The following ARHGEF11 variants were observed in gnomAD, a reference collection of about 807,000 sequenced individuals.
ARHGEF11 encodes Rho guanine nucleotide exchange factor 11.
ARHGEF11 carries 55 observed loss-of-function variants against 193.7 expected under a neutral mutation model. The ratio of observed to expected loss-of-function variants is 0.28; its 90% CI spans 0.23 to 0.36. The LOEUF is 0.36. ARHGEF11 is among the 10% of genes least tolerant of loss of function. The pLI is 1.00. For synonymous variants in ARHGEF11, 693 were observed against 768.0 expected (o/e 0.90, Z 1.62); for missense variants, 1,723 against 2,005.6 (o/e 0.86, Z 2.69).
At chr1:156,951,064 C>G (rs1010927197) in intron 22 of ARHGEF11, among the ~76,000 whole-genome samples, 2 of 152,204 alleles carry the variant, frequency 1.3e-5, no homozygotes, top group Non-Finnish European at 2.9e-5. Context: ...CACTTTGCCT[C>G]TCTTTGCTGA....
intron 1 of ARHGEF11, among the ~76,000 whole-genome samples, chr1:157,002,578 A>G (rs1464991452): frequency 6.6e-6 from 1 of 152,158 alleles, no homozygotes; most frequent in Non-Finnish European, 1.5e-5. Context: ...ATACTATGCT[A>G]TTTGGCACTT....
intron 4 of ARHGEF11, 41 bp downstream of exon 4, chr1:156,980,396 T>G: frequency 6.3e-7 from 1 of 1,588,412 alleles, no homozygotes; most frequent in Non-Finnish European, 8.6e-7. Context: ...GCACATCTAT[T>G]TCCACTGCTG....
At chr1:157,041,157 G>C (rs1358368505) in intron 1 of ARHGEF11, among the ~76,000 whole-genome samples, 15 of 152,162 alleles carry the variant, frequency 9.9e-5, no homozygotes, top group Non-Finnish European at 2.2e-4. Flanking sequence ...TTGCCATGGG[G>C]GAACCAGGCT....
At chr1:157,009,855 C>T (rs540773090) in intron 1 of ARHGEF11, among the ~76,000 whole-genome samples, 1 of 152,236 alleles carries the variant, frequency 6.6e-6, no homozygotes, top group African/African-American at 2.4e-5. Context: ...TCTCCTCACA[C>T]ACTCGATTCA....
At chr1:156,941,317 G>A in intron 35 of ARHGEF11, 55 bp downstream of exon 35, 3 of 1,575,758 alleles carry the variant, frequency 1.9e-6, no homozygotes, top group Non-Finnish European at 1.7e-6. Flanking sequence ...CACCCAACCT[G>A]TGCCTACAGA....
In ARHGEF11 at chr1:156,947,368, G is replaced by A; in HGVS notation, c.2424C>T (p.Asn808=). ...GGGCCAGCTCCTCCCGGGGCATCAGGTTCTCCTTCTTCATTCGCTGGTAGA... is the reference window on the plus strand; with the variant it reads ...GGGCCAGCTCCTCCCGGGGCATCAGATTCTCCTTCTTCATTCGCTGGTAGA... The part of the protein sequence containing the change: ...LIFYQRMKKE[N]LMPREELARL... The change falls in exon 26 of 41, where the codon AAC becomes AAT. Residue 808 remains asparagine, a synonymous_variant. Transcript: ENST00000368194. The A allele has an allele frequency of 6.2e-7, 1 of 1,614,078 alleles. No individual in the cohort carries two copies. The highest frequency in any genetic ancestry group is 8.5e-7 in the Non-Finnish European group (1 of 1,180,004).
intron 1 of ARHGEF11, among the ~76,000 whole-genome samples, chr1:157,015,690 G>C (rs1304694775): frequency 6.6e-6 from 1 of 152,140 alleles, no homozygotes; most frequent in Non-Finnish European, 1.5e-5. Flanking sequence ...TATCCTGAAG[G>C]GCCTTACTGC....
intron 35 of ARHGEF11, 44 bp from the exon 36 acceptor site, chr1:156,940,469 G>C (rs2101819489): frequency 6.5e-7 from 1 of 1,546,234 alleles, no homozygotes; most frequent in South Asian, 1.2e-5. Flanking sequence ...AAAGGGAGAG[G>C]GCACGTATGG....
chr1:157,037,786 T>TTTGG (rs1672226632), intron 1 of ARHGEF11, among the ~76,000 whole-genome samples: 1 of 151,984 alleles, frequency 6.6e-6, no homozygotes, highest in Non-Finnish European at 1.5e-5. Flanking sequence ...ATCCCAGCAC[T>TTTGG]TTGGGAGGCT....
At chr1:156,980,363 T>A (rs370935932) in intron 4 of ARHGEF11, 74 bp downstream of exon 4, 10 of 1,536,706 alleles carry the variant, frequency 6.5e-6, no homozygotes, top group East Asian at 4.8e-5. Context: ...GTGTGCAGGA[T>A]GGGCCAAGGC....
chr1:156,987,603 T>G (rs1665117553), intron 1 of ARHGEF11, among the ~76,000 whole-genome samples: 1 of 152,184 alleles, frequency 6.6e-6, no homozygotes, highest in African/African-American at 2.4e-5. Context: ...CAGGCTTTTA[T>G]TATATTCTTT....
At chr1:156,936,496 A>AT (rs58100717) in intron 40 of ARHGEF11, among the ~76,000 whole-genome samples, 3,634 of 76,406 alleles carry the variant, frequency 0.048, 44 homozygotes, top group East Asian at 0.067. Context: ...AAAAAAAAAA[A>AT]AATATATATA....
intron 1 of ARHGEF11, among the ~76,000 whole-genome samples, chr1:157,029,167 CAAAA>C (rs778433244): frequency 1.2e-4 from 6 of 50,502 alleles, no homozygotes; most frequent in Admixed American, 4.2e-4. Flanking sequence ...GACCCTGTCT[CAAAA>C]AAAAAAAAAA....
intron 6 of ARHGEF11, 99 bp from the exon 7 acceptor site, chr1:156,977,153 T>C (rs1392665346): frequency 2.0e-6 from 2 of 1,001,802 alleles, no homozygotes; most frequent in Non-Finnish European, 3.2e-6. Context: ...GCTATGAGAA[T>C]AGAGCCTGGA....
rs1571289513 is a variant in ARHGEF11 at position 156,967,985 on chromosome 1, A to C, written c.963+2T>G. ...ACTGCAGGGTGGCTCCAGATCACTC[A>C]CCTGGTCACCGGTTGAGGGGACTGC... On this transcript the variant is annotated splice_donor_variant, in intron 11 of 40. Transcript: ENST00000368194. LOFTEE classifies it high-confidence loss of function. 6.2e-7 allele frequency: 1 copy of C among 1,614,030 alleles called. No individual in the cohort carries two copies. The highest frequency in any genetic ancestry group is 2.2e-5 in the East Asian group (1 of 44,880).
In ARHGEF11 at chr1:156,938,494, C is replaced by T. The variant is rs1656007134; in HGVS notation, c.4116G>A (p.Lys1372=). The change falls in exon 38 of 41, where the codon AAG becomes AAA. Residue 1372 remains lysine (K), a synonymous_variant. Coordinates refer to ENST00000368194, the MANE Select transcript of ARHGEF11 (RefSeq NM_198236.3). Reference sequence around the variant, plus strand: ...CACTCTCTGGTAGTGCAGGGACAACCTTGCTGCCTGCCACCTCAGCTGCAC... The same window carrying T: ...CACTCTCTGGTAGTGCAGGGACAACTTTGCTGCCTGCCACCTCAGCTGCAC... The part of the protein sequence containing the change: ...VVRKAEVAGS[K]VVPALPESGQ... The T allele has an allele frequency of 6.2e-7, 1 of 1,613,468 alleles. No individual in the cohort carries two copies. The highest frequency in any genetic ancestry group is 8.5e-7 in the Non-Finnish European group (1 of 1,179,682).
chr1:156,984,403 G>T lies in ARHGEF11; in HGVS notation c.159C>A (p.Asp53Glu). ...LVQRCVIIQK[D>E]QHGFGFTVSG... is the part of the protein sequence containing the mutation. ...TGACTGTGAAGCCGAAGCCATGCTG[G>T]TCCTTTTGGATAATGACACAGCGTT... Residue 53 changes from aspartate to glutamate, a missense_variant, in exon 3 of 41, where the codon GAC becomes GAA. Coordinates refer to ENST00000368194, the MANE Select transcript of ARHGEF11 (RefSeq NM_198236.3). 1.3e-6 allele frequency: 2 copies of T among 1,598,968 alleles called. No homozygotes were observed. The highest frequency in any genetic ancestry group is 4.5e-5 in the East Asian group (2 of 44,600).
At chr1:156,958,645 G>C in intron 17 of ARHGEF11, 97 bp downstream of exon 17, 1 of 1,541,414 alleles carries the variant, frequency 6.5e-7, no homozygotes, top group Non-Finnish European at 8.8e-7. Context: ...AATCAGGCAA[G>C]AAGTGGAAGA....
chr1:157,010,085 A>G (rs1336916448), intron 1 of ARHGEF11, among the ~76,000 whole-genome samples: 1 of 152,116 alleles, frequency 6.6e-6, no homozygotes, highest in Admixed American at 6.6e-5. Context: ...TGTAACCTCA[A>G]AACTTAGGGA....
Sources: gnomAD v4.1 joint callset for allele counts (sites outside exome capture counted in the v4.1 genomes callset) on GRCh38, gnomAD v4.1.1 for gene constraint, MANE v1.5 for transcripts, NCBI Gene and HGNC (gene_info 2026-07-23, HGNC 2026-07-21) for gene names.